Variants in RASEF observed in about 807,000 individuals in gnomAD.
The protein encoded by RASEF is RAS and EF-hand domain containing, also known as ras and EF-hand domain-containing protein.
In RASEF, 68 loss-of-function variants were observed where a neutral mutation model predicts 90.1. That is an observed-to-expected ratio of 0.75 (90% CI 0.62 to 0.92). The LOEUF (loss-of-function observed/expected upper bound fraction) is 0.92, where lower values mean the gene tolerates loss of function less well. Among genes scored for constraint, RASEF ranks in the 40% least tolerant of loss-of-function variants. RASEF has a pLI of 0.00. For synonymous variants in RASEF, 331 were observed against 345.2 expected (o/e 0.96, Z 0.46); for missense variants, 949 against 937.2 (o/e 1.01, Z -0.16).
At chr9:83,129,624 C>A in the RASEF span, among the ~76,000 whole-genome samples, 2 of 152,174 alleles carry the variant, frequency 1.3e-5, no homozygotes, top group Admixed American at 6.5e-5. Flanking sequence ...TGTGTCTCCT[C>A]CTTAAGCTAG....
upstream of RASEF, chr9:83,063,147 G>A (rs1830248831): frequency 7.2e-6 from 3 of 413,968 alleles, no homozygotes; most frequent in Non-Finnish European, 1.3e-5. Flanking sequence ...GCGACTGAGC[G>A]CCCAAGCGCC....
At chr9:83,167,115 G>T in the RASEF span, among the ~76,000 whole-genome samples, 55 of 152,024 alleles carry the variant, frequency 3.6e-4, no homozygotes, top group African/African-American at 1.3e-3. Flanking sequence ...CAGAGCTTTT[G>T]TAAGGATTTA....
At chr9:83,045,245 T>C (rs1229595201) in intron 1 of RASEF, among the ~76,000 whole-genome samples, 3 of 152,354 alleles carry the variant, frequency 2.0e-5, no homozygotes, top group South Asian at 4.1e-4. Context: ...CTCTAACTAA[T>C]ACAAGTGTCT....
intron 1 of RASEF, among the ~76,000 whole-genome samples, chr9:83,053,445 C>T (rs1362945394): frequency 5.5e-5 from 7 of 127,410 alleles, no homozygotes; most frequent in South Asian, 2.9e-4. Context: ...TGTCTCTGCA[C>T]GTGAGATGGG....
the RASEF span, among the ~76,000 whole-genome samples, chr9:83,076,116 C>G: frequency 6.7e-6 from 1 of 150,128 alleles, no homozygotes; most frequent in Non-Finnish European, 1.5e-5. Context: ...TGCAGTGAGC[C>G]GAGATGGCGC....
chr9:83,199,541 T>G, the RASEF span, among the ~76,000 whole-genome samples: 1 of 152,136 alleles, frequency 6.6e-6, no homozygotes, highest in Non-Finnish European at 1.5e-5. Context: ...ATATTGCAGG[T>G]GACACGCCAA....
intron 1 of RASEF, among the ~76,000 whole-genome samples, chr9:83,053,752 T>A (rs1830059381): frequency 6.8e-6 from 1 of 146,506 alleles, no homozygotes; most frequent in Admixed American, 6.7e-5. Context: ...GGTGACAAAA[T>A]CTCTCAGCAT....
At chr9:83,033,466 C>G (rs1829681855) in intron 1 of RASEF, among the ~76,000 whole-genome samples, 1 of 152,176 alleles carries the variant, frequency 6.6e-6, no homozygotes, top group Non-Finnish European at 1.5e-5. Flanking sequence ...TGGTCTCTTA[C>G]AGGCATCAAT....
At chr9:83,089,892 T>TGATAGATA in the RASEF span, among the ~76,000 whole-genome samples, 705 of 145,072 alleles carry the variant, frequency 4.9e-3, 3 homozygotes, top group East Asian at 0.01. Flanking sequence ...TATAGATAGA[T>TGATAGATA]GATAGATAGA....
At chr9:83,172,084 T>A in the RASEF span, among the ~76,000 whole-genome samples, 4 of 151,718 alleles carry the variant, frequency 2.6e-5, no homozygotes, top group Non-Finnish European at 4.4e-5. Flanking sequence ...CTTTGTGTCA[T>A]CCTATAGGTA....
intron 12 of RASEF, 87 bp downstream of exon 12, chr9:83,000,082 G>T: frequency 8.3e-7 from 1 of 1,199,598 alleles, no homozygotes. Flanking sequence ...ACTGTTAACT[G>T]AGCATCTGTG....
rs1483537110 is a variant in RASEF at position 83,006,609 on chromosome 9, G to T, written c.1028+828C>A. Among the ~76,000 whole-genome samples the T allele has an allele frequency of 6.6e-5, 10 of 152,236 alleles. No homozygotes were observed. The East Asian group carries it at 1.5e-3, about 24-fold the overall frequency. On this transcript the variant is annotated intron_variant, in intron 7 of 16. Coordinates refer to ENST00000376447, the MANE Select transcript of RASEF (RefSeq NM_152573.4). ...AAAGAAAGGGGAAGGAGAGGGGTAG[G>T]TTTTGTGGGGAAGACCTTCAGAGGA... is the stretch of plus-strand genomic sequence containing the variant.
chr9:83,194,726 A>G, the RASEF span, among the ~76,000 whole-genome samples: 10 of 152,228 alleles, frequency 6.6e-5, no homozygotes, highest in Non-Finnish European at 1.2e-4. Flanking sequence ...CATTTGTATC[A>G]GCATGGCCTC....
the RASEF span, among the ~76,000 whole-genome samples, chr9:83,194,628 C>T: frequency 6.6e-6 from 1 of 152,082 alleles, no homozygotes; most frequent in African/African-American, 2.4e-5. Flanking sequence ...TTATTGCATA[C>T]ATTAACAATT....
At chr9:83,189,990 C>T in the RASEF span, among the ~76,000 whole-genome samples, 2 of 152,274 alleles carry the variant, frequency 1.3e-5, no homozygotes, top group African/African-American at 4.8e-5. Flanking sequence ...TAGGCTCTTG[C>T]TGTTCTCTCT....
At chr9:83,088,399 T>TAGAC in the RASEF span, among the ~76,000 whole-genome samples, 4 of 151,830 alleles carry the variant, frequency 2.6e-5, no homozygotes, top group Admixed American at 1.3e-4. Context: ...GATAGATAGA[T>TAGAC]AGATAGATAG....
At chr9:83,139,036 T>C in the RASEF span, among the ~76,000 whole-genome samples, 1 of 152,148 alleles carries the variant, frequency 6.6e-6, no homozygotes, top group African/African-American at 2.4e-5. Flanking sequence ...AGTCTGGAAA[T>C]GGCAGCATTG....
intron 9 of RASEF, 38 bp from the exon 10 acceptor site, chr9:83,001,168 G>A (rs955316424): frequency 1.4e-6 from 2 of 1,480,826 alleles, no homozygotes; most frequent in Non-Finnish European, 1.9e-6. Context: ...CCTGAGGGCT[G>A]GAAATGCTCA....
chr9:83,001,062 G>T lies in RASEF; in HGVS notation c.1271C>A (p.Thr424Lys). The T allele has an allele frequency of 6.2e-7, 1 of 1,614,118 alleles. No homozygotes were observed. The highest frequency in any genetic ancestry group is 8.5e-7 in the Non-Finnish European group (1 of 1,180,020). Residue 424 changes from threonine (T) to lysine (K), a missense_variant, in exon 10 of 17, where the codon ACA becomes AAA. Thr to Lys is a moderately conservative substitution (Grantham distance 78). Transcript: ENST00000376447. ...AGGCAGGCTGTCAACTTCACAATTT[G>T]TCCTCTGCAGAGGATCACAGAGGGC... The part of the protein sequence containing the change: ...SLALCDPLQR[T>K]NCEVDSLPES...
Sources: allele counts gnomAD v4.1 joint callset (sites outside exome capture counted in the v4.1 genomes callset), GRCh38; gene constraint gnomAD v4.1.1; transcripts MANE v1.5; gene names NCBI Gene and HGNC (gene_info 2026-07-23, HGNC 2026-07-21).